Variants in IGF2BP2 observed in about 807,000 individuals in gnomAD.
IGF2BP2 encodes insulin like growth factor 2 mRNA binding protein 2.
A neutral mutation model predicts 75.8 loss-of-function variants in IGF2BP2; 17 were observed. The observed-to-expected ratio is 0.22, with a 90% CI of 0.15 to 0.34. The LOEUF (loss-of-function observed/expected upper bound fraction) is 0.34, where lower values mean the gene tolerates loss of function less well. IGF2BP2 is among the 10% of genes least tolerant of loss of function. The pLI is 1.00. For synonymous variants in IGF2BP2, 288 were observed against 295.6 expected, an observed-to-expected ratio of 0.97 and a Z score of 0.26; for missense variants, 516 against 772.4, an observed-to-expected ratio of 0.67 and a Z score of 3.93.
At position 185,682,149 on chromosome 3, in the gene IGF2BP2, C is replaced by A. The variant is rs1560284921; in HGVS notation, c.812+4908G>T. ...CCCATGGGATGGGAGAAATATTCAC[C>A]AATTATTTATTTGATAAGGGGTTTG... is the stretch of plus-strand genomic sequence containing the variant. On this transcript the variant is annotated intron_variant, in intron 7 of 15. Coordinates refer to ENST00000382199, the MANE Select transcript of IGF2BP2 (RefSeq NM_006548.6). Among the ~76,000 whole-genome samples, 3 of 152,058 alleles carry A rather than the reference C, an allele frequency of 2.0e-5. No homozygotes were observed. In the East Asian group the frequency reaches 5.8e-4, roughly 29 times the overall value.
chr3:185,659,758 C>G (rs1015850838), intron 10 of IGF2BP2, among the ~76,000 whole-genome samples: 7 of 151,966 alleles, frequency 4.6e-5, no homozygotes, highest in African/African-American at 1.7e-4. Context: ...CTCTTTTAAT[C>G]CTCACAACAG....
chr3:185,665,320 A>AAGGAGG (rs773580962), intron 10 of IGF2BP2, among the ~76,000 whole-genome samples: 6 of 50,142 alleles, frequency 1.2e-4, no homozygotes, highest in Non-Finnish European at 1.9e-4. Flanking sequence ...GCAGAAGGAG[A>AAGGAGG]AGGAGGAGGA....
At chr3:185,702,846 A>G (rs1266203594) in intron 2 of IGF2BP2, among the ~76,000 whole-genome samples, 1 of 152,258 alleles carries the variant, frequency 6.6e-6, no homozygotes, top group Non-Finnish European at 1.5e-5. Flanking sequence ...ACCCTCAAAC[A>G]GAAGTAAAAA....
At chr3:185,782,720 C>T (rs1408888858) in intron 2 of IGF2BP2, among the ~76,000 whole-genome samples, 1 of 152,134 alleles carries the variant, frequency 6.6e-6, no homozygotes, top group Non-Finnish European at 1.5e-5. Context: ...ATAACTGTGT[C>T]CACACAGTGA....
chr3:185,809,551 G>A (rs1739520271), intron 2 of IGF2BP2, among the ~76,000 whole-genome samples: 1 of 152,142 alleles, frequency 6.6e-6, no homozygotes, highest in Non-Finnish European at 1.5e-5. Context: ...GATCACCTGA[G>A]CACTGGAAGA....
At chr3:185,688,151 A>G (rs1004183527) in intron 6 of IGF2BP2, among the ~76,000 whole-genome samples, 2 of 152,240 alleles carry the variant, frequency 1.3e-5, no homozygotes, top group South Asian at 2.1e-4. Flanking sequence ...TGAAGAAAAT[A>G]GCATTTCTCT....
rs147466463 is a variant in IGF2BP2 at position 185,684,653 on chromosome 3, C to T, written c.812+2404G>A. Among the ~76,000 whole-genome samples, 415 of 152,268 alleles carry T rather than the reference C, an allele frequency of 2.7e-3. 2 individuals are homozygous for T. The highest frequency in any genetic ancestry group is 9.7e-3 in the African/African-American group (401 of 41,538). On this transcript the variant is annotated intron_variant, in intron 7 of 15. Transcript: ENST00000382199. Reference sequence around the variant, plus strand: ...AACTCCTGGCCTCAAGTGATCCGCCCGCTTCAGCCTCCCAAAGTGCTGGGA... The same window carrying T: ...AACTCCTGGCCTCAAGTGATCCGCCTGCTTCAGCCTCCCAAAGTGCTGGGA...
At chr3:185,730,751 G>A (rs1728052671) in intron 2 of IGF2BP2, among the ~76,000 whole-genome samples, 1 of 152,090 alleles carries the variant, frequency 6.6e-6, no homozygotes, top group Non-Finnish European at 1.5e-5. Flanking sequence ...AGATGCCCAG[G>A]AGTGAGATGA....
chr3:185,655,655 G>A (rs950705853), intron 12 of IGF2BP2, among the ~76,000 whole-genome samples: 3 of 152,208 alleles, frequency 2.0e-5, no homozygotes, highest in Non-Finnish European at 2.9e-5. Context: ...ACAGTGACAC[G>A]TCACCATTCG....
At chr3:185,765,584 G>T (rs1040604869) in intron 2 of IGF2BP2, among the ~76,000 whole-genome samples, 3 of 152,172 alleles carry the variant, frequency 2.0e-5, no homozygotes, top group African/African-American at 7.2e-5. Flanking sequence ...CCTGCACCTA[G>T]AGGGAAAAGA....
At chr3:185,745,876 A>T (rs575488201) in intron 2 of IGF2BP2, among the ~76,000 whole-genome samples, 1 of 152,208 alleles carries the variant, frequency 6.6e-6, no homozygotes, top group African/African-American at 2.4e-5. Context: ...GGTTGTACAT[A>T]AGAAAAAAAA....
At position 185,645,614 on chromosome 3, in the gene IGF2BP2, G is replaced by A. The variant is rs758689947; in HGVS notation, c.1717C>T (p.Arg573Cys). The change falls in exon 16 of 16, where the codon CGC (arginine) becomes TGC (cysteine). Residue 573 changes from arginine (R) to cysteine (C), a missense_variant. Transcript: ENST00000382199. The surrounding 1 kb of genome is among the most constrained non-coding windows in gnomAD (Gnocchi z 4.9). ...GHFFASQTAQ[R>C]KIREIVQQVK... ...TGTTGTACAATTTCCCTGATCTTGC[G>A]CTGTGCAGTCTGCAGCAAGGGAGAG... 6.8e-6 allele frequency: 11 copies of A among 1,613,416 alleles called. No homozygotes were observed. The highest frequency in any genetic ancestry group is 6.8e-6 in the Non-Finnish European group (8 of 1,179,534).
intron 2 of IGF2BP2, among the ~76,000 whole-genome samples, chr3:185,707,597 G>A (rs931946797): frequency 6.6e-5 from 10 of 151,950 alleles, no homozygotes; most frequent in East Asian, 1.9e-4. Context: ...GTGAGCCACC[G>A]AAGAGCCTAC....
intron 2 of IGF2BP2, among the ~76,000 whole-genome samples, chr3:185,723,913 C>T (rs1241756507): frequency 6.6e-6 from 1 of 152,190 alleles, no homozygotes; most frequent in African/African-American, 2.4e-5. Flanking sequence ...AAAACACCAT[C>T]GAGCAAAGTT....
At position 185,717,179 on chromosome 3, in the gene IGF2BP2, T is replaced by C. The variant is rs184326072; in HGVS notation, c.240-18832A>G. 26 of 181,216 alleles carry C rather than the reference T, an allele frequency of 1.4e-4. No homozygotes were observed. The East Asian group carries it at 3.7e-3, about 26-fold the overall frequency. 11.2% of individuals were successfully genotyped at this position (181,216 alleles called of 1,614,324 possible). ...TGAGAGAGACTGGTTTCCTGAGGGC[T>C]GGGCACCCCGGTCTATTTATTGGGA... On this transcript the variant is annotated intron_variant, in intron 2 of 15. Coordinates refer to ENST00000382199, the MANE Select transcript of IGF2BP2 (RefSeq NM_006548.6).
chr3:185,684,347 C>T (rs1198421676), intron 7 of IGF2BP2, among the ~76,000 whole-genome samples: 1 of 152,072 alleles, frequency 6.6e-6, no homozygotes, highest in African/African-American at 2.4e-5. Context: ...TCATTAGGAC[C>T]TTCAGTTACA....
intron 2 of IGF2BP2, among the ~76,000 whole-genome samples, chr3:185,783,612 TC>T (rs1243615782): frequency 4.6e-5 from 7 of 152,158 alleles, no homozygotes; most frequent in African/African-American, 1.4e-4. Flanking sequence ...GACCTCTACT[TC>T]CAAGACCTGA....
intron 2 of IGF2BP2, among the ~76,000 whole-genome samples, chr3:185,752,774 T>G (rs930324664): frequency 6.6e-6 from 1 of 152,076 alleles, no homozygotes; most frequent in Non-Finnish European, 1.5e-5. Context: ...TTTTTGTATT[T>G]TGGGTAGAGA....
At chr3:185,695,836 G>A (rs565390196) in intron 4 of IGF2BP2, among the ~76,000 whole-genome samples, 60 of 152,194 alleles carry the variant, frequency 3.9e-4, no homozygotes, top group Non-Finnish European at 7.5e-4. Context: ...TGTCACCCAG[G>A]CTGGAGTTCA....
Sources: allele counts gnomAD v4.1 joint callset (sites outside exome capture counted in the v4.1 genomes callset), GRCh38; gene constraint gnomAD v4.1.1; non-coding constraint Gnocchi (gnomAD v3.1); transcripts MANE v1.5; gene names NCBI Gene and HGNC (gene_info 2026-07-23, HGNC 2026-07-21).